Variants in HYDIN observed in about 807,000 individuals in gnomAD.
HYDIN encodes the protein HYDIN axonemal central pair apparatus protein, also known as axonemal central pair apparatus protein HYDIN.
A neutral mutation model predicts 403.9 loss-of-function variants in HYDIN; 132 were observed. That is an observed-to-expected ratio of 0.33 (90% confidence interval 0.28 to 0.38). The LOEUF (loss-of-function observed/expected upper bound fraction) is 0.38, where lower values mean the gene tolerates loss of function less well. HYDIN is among the 10% of genes least tolerant of loss of function. HYDIN has a pLI of 1.00. For missense variants in HYDIN, 2,827 were observed against 5,009.5 expected (o/e 0.56, Z 13.15); for synonymous variants, 1,202 against 1,891.7 (o/e 0.64, Z 9.46).
chr16:71,178,826 T>A lies in HYDIN; in HGVS notation c.381+102A>T, dbSNP rs995895678. 3.1e-6 allele frequency: 3 copies of A among 974,292 alleles called. No homozygotes were observed. The African/African-American group carries it at 4.9e-5, about 16-fold the overall frequency. 60.4% of individuals were successfully genotyped at this position (974,292 alleles called of 1,614,324 possible). On this transcript the variant is annotated intron_variant, in intron 4 of 85. Transcript: ENST00000393567. ...TTTTCATACTATTTTCCTAAGTCTATCAAATTAAAGAACTTATCAAAGATC... is the reference window on the plus strand; with the variant it reads ...TTTTCATACTATTTTCCTAAGTCTAACAAATTAAAGAACTTATCAAAGATC...
At chr16:70,878,177 A>T (rs1483588932) in intron 62 of HYDIN, among the ~76,000 whole-genome samples, 1 of 151,754 alleles carries the variant, frequency 6.6e-6, no homozygotes, top group African/African-American at 2.4e-5. Context: ...ACAAGATCTG[A>T]TGGTTTTATA....
intron 42 of HYDIN, 28 bp downstream of exon 42, chr16:70,943,784 C>CA (rs1457777077): frequency 6.2e-7 from 1 of 1,605,524 alleles, no homozygotes; most frequent in Non-Finnish European, 8.5e-7. Context: ...CCAAGCCCTG[C>CA]AGCTCTGTGC....
chr16:70,995,994 C>T (rs2144057779), intron 23 of HYDIN, among the ~76,000 whole-genome samples: 1 of 150,576 alleles, frequency 6.6e-6, no homozygotes, highest in East Asian at 2.0e-4. Context: ...GGAGATGTCT[C>T]ACTCACCCTG....
chr16:71,061,740 C>T (rs1597678066), intron 17 of HYDIN, among the ~76,000 whole-genome samples: 1 of 151,648 alleles, frequency 6.6e-6, no homozygotes, highest in Non-Finnish European at 1.5e-5. Context: ...AGCTTTGCAC[C>T]AGGAACAACC....
At chr16:71,205,928 G>C (rs1274638533) in intron 1 of HYDIN, among the ~76,000 whole-genome samples, 1 of 152,176 alleles carries the variant, frequency 6.6e-6, no homozygotes, top group African/African-American at 2.4e-5. Context: ...CAGAGCATGT[G>C]ACCCTACTGA....
chr16:71,181,100 C>A (rs756834606), intron 3 of HYDIN, among the ~76,000 whole-genome samples: 4 of 151,578 alleles, frequency 2.6e-5, no homozygotes, highest in Non-Finnish European at 4.4e-5. Flanking sequence ...GAAGACCTAA[C>A]TGAATGCAGG....
intron 40 of HYDIN, among the ~76,000 whole-genome samples, chr16:70,954,786 G>A (rs1273233199): frequency 6.6e-6 from 1 of 152,166 alleles, no homozygotes; most frequent in African/African-American, 2.4e-5. Context: ...GTGTGAAACT[G>A]TCCCAATAGC....
intron 5 of HYDIN, among the ~76,000 whole-genome samples, chr16:71,163,205 C>T (rs1055133703): frequency 3.3e-5 from 5 of 150,504 alleles, no homozygotes; most frequent in African/African-American, 1.2e-4. Context: ...TCACTACAAG[C>T]TCCGCCTCCC....
intron 44 of HYDIN, 78 bp downstream of exon 44, chr16:70,938,536 T>C (rs2077568207): frequency 1.1e-6 from 1 of 878,814 alleles, no homozygotes; most frequent in African/African-American, 1.6e-5. Flanking sequence ...TGGCTTGGGC[T>C]CACACCCCGG....
Position 70,889,822 on chromosome 16 carries a change from T to C in HYDIN, c.9657-118A>G, listed in dbSNP as rs2041367146. ...CAGGAATGGGGGAAGGGGCCCTTCT[T>C]TGCCCAAGAGGACACTGGAGTGGCA... On this transcript the variant is annotated intron_variant, in intron 57 of 85. Transcript: ENST00000393567. 3.9e-6 allele frequency: 3 copies of C among 762,890 alleles called. No individual in the cohort carries two copies. The African/African-American group carries it at 5.3e-5, about 13-fold the overall frequency. 47.3% of individuals were successfully genotyped at this position (762,890 alleles called of 1,614,324 possible).
intron 21 of HYDIN, among the ~76,000 whole-genome samples, chr16:71,021,510 C>T (rs1365822485): frequency 1.3e-5 from 2 of 152,252 alleles, no homozygotes; most frequent in East Asian, 1.9e-4. Flanking sequence ...CCACCGCACC[C>T]GGCCCAGATT....
At chr16:70,819,823 T>A (rs2143462257) in intron 83 of HYDIN, among the ~76,000 whole-genome samples, 1 of 152,270 alleles carries the variant, frequency 6.6e-6, no homozygotes, top group Non-Finnish European at 1.5e-5. Context: ...TCCCTTTTTT[T>A]TTGAGATGGA....
chr16:71,047,515 T>C (rs1365058551), intron 18 of HYDIN, among the ~76,000 whole-genome samples: 1 of 152,120 alleles, frequency 6.6e-6, no homozygotes, highest in East Asian at 1.9e-4. Flanking sequence ...TTAATACTAT[T>C]ATTACTGGTA....
rs376971610 is a variant in HYDIN at position 71,062,208 on chromosome 16, C to T, written c.2337G>A (p.Thr779=). ...ETQVTGEHRS[T]VYISIFGSQD... is the part of the protein sequence containing the mutation. The stretch of plus-strand genomic sequence containing the variant: ...GGCTCCCAAAGATTGAGATGTAAAC[C>T]GTGGATCTGTGTTCTCCAGTGACCT... The change falls in exon 17 of 86, where the codon ACG becomes ACA. Residue 779 remains threonine, a synonymous_variant. Coordinates refer to ENST00000393567, the MANE Select transcript of HYDIN (RefSeq NM_001270974.2). 1.0e-5 allele frequency: 15 copies of T among 1,501,836 alleles called. No individual in the cohort carries two copies. The highest frequency in any genetic ancestry group is 2.3e-5 in the South Asian group (2 of 85,622). 93.0% of individuals were successfully genotyped at this position (1,501,836 alleles called of 1,614,324 possible). A position where few individuals can be genotyped will look rare whatever the true frequency, so the allele number is the denominator to read the frequency against.
chr16:71,119,928 T>C (rs985308022), intron 9 of HYDIN, among the ~76,000 whole-genome samples: 1 of 152,064 alleles, frequency 6.6e-6, no homozygotes, highest in Non-Finnish European at 1.5e-5. Context: ...CCATGTCATT[T>C]ATGTCTCTGC....
At chr16:71,139,095 GAAAAAAA>G (rs71758936) in intron 7 of HYDIN, among the ~76,000 whole-genome samples, 14 of 103,814 alleles carry the variant, frequency 1.3e-4, no homozygotes, top group Non-Finnish European at 2.0e-4. Flanking sequence ...AAATAAAGAA[GAAAAAAA>G]AAAAAAAAAA....
At chr16:71,218,362 C>G (rs1017203300) in intron 1 of HYDIN, among the ~76,000 whole-genome samples, 1 of 152,186 alleles carries the variant, frequency 6.6e-6, no homozygotes, top group Non-Finnish European at 1.5e-5. Flanking sequence ...GTCAAGATGA[C>G]AGGGCTGGGG....
chr16:71,114,285 G>T (rs1326960287), intron 10 of HYDIN, among the ~76,000 whole-genome samples: 1 of 151,092 alleles, frequency 6.6e-6, no homozygotes, highest in African/African-American at 2.4e-5. Flanking sequence ...TGGATTCACA[G>T]ATTCCTATTT....
At chr16:70,813,830 A>T (rs937132934) in intron 84 of HYDIN, among the ~76,000 whole-genome samples, 1 of 151,180 alleles carries the variant, frequency 6.6e-6, no homozygotes, top group African/African-American at 2.4e-5. Flanking sequence ...AAGTCTCAAC[A>T]TAAAGCTGGA....
Sources: allele counts gnomAD v4.1 joint callset (sites outside exome capture counted in the v4.1 genomes callset), GRCh38; gene constraint gnomAD v4.1.1; transcripts MANE v1.5; gene names NCBI Gene and HGNC (gene_info 2026-07-23, HGNC 2026-07-21).